MGAT4C: variants seen among roughly 807,000 people sequenced by gnomAD.
MGAT4C encodes the protein MGAT4 family member C, also known as alpha-1,3-mannosyl-glycoprotein 4-beta-N-acetylglucosaminyltransferase C.
In MGAT4C, 19 loss-of-function variants were observed where a neutral mutation model predicts 40.1. That is an observed-to-expected ratio of 0.47 (90% confidence interval 0.33 to 0.70). The LOEUF (loss-of-function observed/expected upper bound fraction) is 0.70. Among genes scored for constraint, MGAT4C ranks in the 30% least tolerant of loss-of-function variants. MGAT4C has a pLI of 0.02. For missense variants in MGAT4C, 491 were observed against 563.2 expected, an observed-to-expected ratio of 0.87 and a Z score of 1.30; for synonymous variants, 181 against 187.1, an observed-to-expected ratio of 0.97 and a Z score of 0.27.
At chr12:86,002,728 A>T (rs11117153) in intron 2 of MGAT4C, among the ~76,000 whole-genome samples, 38,075 of 149,292 alleles carry the variant, frequency 0.26, 5,538 homozygotes, top group Non-Finnish European at 0.33. Context: ...TATATGTATG[A>T]GTAATATATA....
intron 1 of MGAT4C, among the ~76,000 whole-genome samples, chr12:86,170,972 T>A (rs538836006): frequency 2.6e-5 from 4 of 152,270 alleles, no homozygotes; most frequent in Admixed American, 2.6e-4. Flanking sequence ...ATATCTGAAC[T>A]TGAATACCCG....
intron 1 of MGAT4C, among the ~76,000 whole-genome samples, chr12:86,763,529 A>G (rs1951442333): frequency 6.6e-6 from 1 of 152,224 alleles, no homozygotes; most frequent in Non-Finnish European, 1.5e-5. Flanking sequence ...ATCATTTTAT[A>G]CATCTTTGTA....
chr12:86,571,597 G>A (rs1014338513), intron 2 of MGAT4C, among the ~76,000 whole-genome samples: 3 of 151,982 alleles, frequency 2.0e-5, no homozygotes, highest in African/African-American at 7.2e-5. Context: ...TACAGTATGC[G>A]TGAGTGTCTG....
chr12:86,223,871 A>G (rs1409220705), intron 1 of MGAT4C, among the ~76,000 whole-genome samples: 1 of 152,064 alleles, frequency 6.6e-6, no homozygotes, highest in African/African-American at 2.4e-5. Flanking sequence ...TGGCCTACCC[A>G]CCCTGTTGCA....
chr12:86,323,261 A>C (rs866940796), intron 4 of MGAT4C, among the ~76,000 whole-genome samples: 3 of 151,804 alleles, frequency 2.0e-5, no homozygotes, highest in Admixed American at 6.6e-5. Flanking sequence ...TTTTCTATAA[A>C]AATTAAGTGT....
intron 2 of MGAT4C, among the ~76,000 whole-genome samples, chr12:86,613,310 G>A (rs929116629): frequency 3.3e-5 from 5 of 152,016 alleles, no homozygotes; most frequent in African/African-American, 1.2e-4. Flanking sequence ...CTCTCAACAT[G>A]TAATTACAAG....
At chr12:86,676,016 C>T (rs903643478) in intron 2 of MGAT4C, among the ~76,000 whole-genome samples, 11 of 145,772 alleles carry the variant, frequency 7.5e-5, no homozygotes, top group East Asian at 2.0e-4. Flanking sequence ...TAAATAAATA[C>T]GAAAAAATTA....
At chr12:86,626,602 ATT>A (rs1962813024) in intron 2 of MGAT4C, among the ~76,000 whole-genome samples, 2 of 152,204 alleles carry the variant, frequency 1.3e-5, no homozygotes, top group African/African-American at 4.8e-5. Flanking sequence ...TATAAAATGT[ATT>A]TATTTAGGCA....
intron 2 of MGAT4C, chr12:86,011,987 G>T (rs1390187125): frequency 7.0e-6 from 3 of 430,304 alleles, no homozygotes; most frequent in Non-Finnish European, 9.3e-6. Flanking sequence ...TTATCTGCTA[G>T]AATTTTTTCT....
At chr12:86,604,071 T>C (rs550457385) in intron 2 of MGAT4C, among the ~76,000 whole-genome samples, 4 of 152,082 alleles carry the variant, frequency 2.6e-5, no homozygotes, top group Admixed American at 6.6e-5. Context: ...GCTGTAGTTG[T>C]GAACAGAAGG....
chr12:85,983,747 C>G, intron 3 of MGAT4C, 77 bp from the exon 4 acceptor site: 10 of 1,209,334 alleles, frequency 8.3e-6, no homozygotes, highest in Non-Finnish European at 1.1e-5. Context: ...CTTTTTTACA[C>G]AATAAATGTA....
rs141460228 is a variant in MGAT4C at position 86,565,436 on chromosome 12, T to C, written c.-228-130171A>G. On this transcript the variant is annotated intron_variant, in intron 2 of 7. Coordinates refer to the MGAT4C transcript ENST00000548651. ...AAGGTATGCAGGCATTACCTGAAAG[T>C]GGGCAGCTGCAGCACTACAGCCCAT... Among the ~76,000 whole-genome samples, 289 of 152,284 alleles carry C rather than the reference T, an allele frequency of 1.9e-3. 1 individual carries two copies. Among genetic ancestry groups the C allele is most frequent in the Non-Finnish European group, 3.6e-3 (248 of 68,028 alleles).
chr12:86,731,947 C>T (rs183064798), intron 1 of MGAT4C, among the ~76,000 whole-genome samples: 210 of 152,172 alleles, frequency 1.4e-3, no homozygotes, highest in Non-Finnish European at 1.2e-3. Context: ...CTTATAAAAC[C>T]CTGAATGAGT....
chr12:86,263,613 A>AGTGC (rs964515778), intron 4 of MGAT4C, among the ~76,000 whole-genome samples: 2 of 152,194 alleles, frequency 1.3e-5, no homozygotes, highest in African/African-American at 4.8e-5. Context: ...CTTTGCTACT[A>AGTGC]TAAATAGTGC....
chr12:86,768,555 G>A (rs1472185892), intron 1 of MGAT4C, among the ~76,000 whole-genome samples: 4 of 151,354 alleles, frequency 2.6e-5, no homozygotes, highest in Non-Finnish European at 5.9e-5. Flanking sequence ...AGCCTGCATC[G>A]CCAAGTCAAT....
intron 3 of MGAT4C, among the ~76,000 whole-genome samples, chr12:86,428,968 T>A (rs946747127): frequency 6.6e-6 from 1 of 152,064 alleles, no homozygotes; most frequent in Non-Finnish European, 1.5e-5. Context: ...TCTAATTCGA[T>A]ATTTATTATT....
chr12:86,551,292 G>C (rs1044401705), intron 2 of MGAT4C, among the ~76,000 whole-genome samples: 14 of 152,192 alleles, frequency 9.2e-5, no homozygotes, highest in South Asian at 2.1e-4. Context: ...ACAGTCTTTT[G>C]GGCCAGACCG....
intron 1 of MGAT4C, among the ~76,000 whole-genome samples, chr12:86,232,871 G>A (rs1951385675): frequency 1.3e-5 from 2 of 152,180 alleles, no homozygotes; most frequent in South Asian, 4.1e-4. Context: ...TGCTAACACA[G>A]AACACCTATA....
In MGAT4C at chr12:86,309,577, A is replaced by G. The variant is rs138039136; in HGVS notation, c.-57+24488T>C. 3.5e-3 allele frequency among the ~76,000 whole-genome samples: 536 copies of G among 152,332 alleles called. 4 individuals are homozygous for G. The highest frequency in any genetic ancestry group is 0.012 in the African/African-American group (511 of 41,572). ...CTAAATTCATGCGGGCTCTGCCCTCATGACTTAATCATTTTCTAAAGGTTT... is the reference window on the plus strand; with the variant it reads ...CTAAATTCATGCGGGCTCTGCCCTCGTGACTTAATCATTTTCTAAAGGTTT... On this transcript the variant is annotated intron_variant, in intron 4 of 7. Coordinates refer to the MGAT4C transcript ENST00000548651.
Sources: gnomAD v4.1 joint callset for allele counts (sites outside exome capture counted in the v4.1 genomes callset) on GRCh38, gnomAD v4.1.1 for gene constraint, MANE v1.5 for transcripts, NCBI Gene and HGNC (gene_info 2026-07-23, HGNC 2026-07-21) for gene names.